Variants in CSMD1 observed in about 807,000 individuals in gnomAD.
The protein encoded by CSMD1 is CUB and Sushi multiple domains 1.
A neutral mutation model predicts 417.5 loss-of-function variants in CSMD1; 213 were observed. The ratio of observed to expected loss-of-function variants is 0.51; its 90% CI spans 0.46 to 0.57. The LOEUF is 0.57. CSMD1 is among the 20% of genes least tolerant of loss of function. The pLI is 0.00. For synonymous variants in CSMD1, 2,862 were observed against 1,736.8 expected, an observed-to-expected ratio of 1.65 and a Z score of -16.11; for missense variants, 6,923 against 4,529.7, an observed-to-expected ratio of 1.53 and a Z score of -15.17.
intron 23 of CSMD1, among the ~76,000 whole-genome samples, chr8:3,331,190 A>G (rs1563279886): frequency 6.7e-6 from 1 of 149,384 alleles, no homozygotes; most frequent in Non-Finnish European, 1.5e-5. Flanking sequence ...GTGAGCCGAG[A>G]TCGTGCCACT....
intron 5 of CSMD1, among the ~76,000 whole-genome samples, chr8:3,778,776 A>C (rs1321346356): frequency 1.3e-5 from 2 of 152,192 alleles, no homozygotes; most frequent in African/African-American, 2.4e-5. Context: ...ATTGGGTATC[A>C]TGGAGCCTTG....
At chr8:4,514,253 T>C (rs953007793) in intron 2 of CSMD1, among the ~76,000 whole-genome samples, 15 of 152,114 alleles carry the variant, frequency 9.9e-5, no homozygotes, top group African/African-American at 3.6e-4. Context: ...CTTCTTTTTA[T>C]ACGGATATAA....
chr8:4,478,086 T>A lies in CSMD1; in HGVS notation c.303-58021A>T, dbSNP rs575508771. Among the ~76,000 whole-genome samples, 5 of 152,314 alleles carry A rather than the reference T, an allele frequency of 3.3e-5. No homozygotes were observed. The East Asian group carries it at 9.7e-4, about 29-fold the overall frequency. ...TAAAACTGATTTTAACCTGTTTTTT[T>A]ATGGGGCCATAAGACCTACCCCTGG... On this transcript the variant is annotated intron_variant, in intron 2 of 69. Transcript: ENST00000635120.
intron 26 of CSMD1, among the ~76,000 whole-genome samples, chr8:3,254,839 G>C (rs968817415): frequency 2.0e-5 from 3 of 151,908 alleles, no homozygotes; most frequent in Admixed American, 6.6e-5. Context: ...GCTCGGGGTC[G>C]TTTGCTAGTC....
Position 2,987,777 on chromosome 8 carries a change from G to A in CSMD1, c.8378-8977C>T, listed in dbSNP as rs192544428. On this transcript the variant is annotated intron_variant, in intron 54 of 69. Transcript: ENST00000635120. ...GCGGCGCGCATAAGGGCAGCTTCGG[G>A]GAGACTGGAGTCTCAGGGTCCCTGG... Among the ~76,000 whole-genome samples, 230 of 152,292 alleles carry A rather than the reference G, an allele frequency of 1.5e-3. 1 individual carries two copies. The highest frequency in any genetic ancestry group is 5.4e-3 in the African/African-American group (226 of 41,562).
At chr8:4,717,482 C>T (rs1563208606) in intron 1 of CSMD1, among the ~76,000 whole-genome samples, 1 of 151,328 alleles carries the variant, frequency 6.6e-6, no homozygotes, top group African/African-American at 2.4e-5. Context: ...ACACACACCC[C>T]TTTCTATATA....
chr8:4,012,111 T>C (rs1816587786), intron 4 of CSMD1, among the ~76,000 whole-genome samples: 1 of 152,182 alleles, frequency 6.6e-6, no homozygotes, highest in Admixed American at 6.5e-5. Flanking sequence ...TGAAACATTT[T>C]CTAGATTTAA....
rs967135955 is a variant in CSMD1, at chr8:4,496,758, G to C, written c.303-76693C>G. ...AGCTACTTGCCTGGAACAAAGCTGG[G>C]AGTAATTTTGAAAGCATTTCCTTAG... On this transcript the variant is annotated intron_variant, in intron 2 of 69. Transcript: ENST00000635120. Among the ~76,000 whole-genome samples, 22 of 152,262 alleles carry C rather than the reference G, an allele frequency of 1.4e-4. 1 individual carries two copies. Among genetic ancestry groups the C allele is most frequent in the Middle Eastern group, 6.8e-3 (2 of 294 alleles).
chr8:4,963,061 A>G (rs1250062761), intron 1 of CSMD1, among the ~76,000 whole-genome samples: 1 of 152,152 alleles, frequency 6.6e-6, no homozygotes, highest in African/African-American at 2.4e-5. Flanking sequence ...AACTGCACCC[A>G]GGAGCTCAGG....
chr8:4,809,659 G>T (rs1199989217), intron 1 of CSMD1, among the ~76,000 whole-genome samples: 1 of 152,038 alleles, frequency 6.6e-6, no homozygotes, highest in Non-Finnish European at 1.5e-5. Context: ...ACTTTTCTAG[G>T]GGCCATATTT....
chr8:3,529,628 A>C (rs548400378), intron 10 of CSMD1, among the ~76,000 whole-genome samples: 2 of 152,362 alleles, frequency 1.3e-5, no homozygotes, highest in African/African-American at 4.8e-5. Context: ...TGATTTGTCA[A>C]AAGTATAGTG....
At chr8:3,321,852 T>A (rs886212864) in intron 23 of CSMD1, among the ~76,000 whole-genome samples, 1 of 152,176 alleles carries the variant, frequency 6.6e-6, no homozygotes, top group South Asian at 2.1e-4. Context: ...ACTTTCTGAT[T>A]TGTACAAAAT....
chr8:2,954,140 A>C, intron 65 of CSMD1, 84 bp downstream of exon 65: 1 of 662,922 alleles, frequency 1.5e-6, no homozygotes, highest in Non-Finnish European at 2.4e-6. Context: ...CAGAAATTTA[A>C]ATGTTGAAAA....
chr8:4,400,760 AGTT>A (rs1804589758), intron 3 of CSMD1, among the ~76,000 whole-genome samples: 5 of 110,958 alleles, frequency 4.5e-5, no homozygotes, highest in Admixed American at 4.1e-4. Context: ...CATACAGATC[AGTT>A]TTTTTTTTTT....
intron 23 of CSMD1, among the ~76,000 whole-genome samples, chr8:3,313,364 T>C (rs1805501844): frequency 3.3e-5 from 5 of 152,146 alleles, no homozygotes; most frequent in Admixed American, 3.3e-4. Context: ...TTTTGCAATC[T>C]ACTCATCTGA....
At chr8:3,107,864 C>G in intron 44 of CSMD1, 66 bp from the exon 45 acceptor site, 1 of 992,436 alleles carries the variant, frequency 1.0e-6, no homozygotes, top group Non-Finnish European at 1.5e-6. Flanking sequence ...ACAACTATTA[C>G]AAAACATTCA....
chr8:3,006,043 C>A (rs1234650601), intron 52 of CSMD1, among the ~76,000 whole-genome samples: 1 of 152,018 alleles, frequency 6.6e-6, no homozygotes, highest in Non-Finnish European at 1.5e-5. Context: ...AGCCCAAAAT[C>A]TCCTTAAGCT....
At chr8:4,296,197 A>C (rs1432784106) in intron 3 of CSMD1, among the ~76,000 whole-genome samples, 1 of 152,000 alleles carries the variant, frequency 6.6e-6, no homozygotes, top group Non-Finnish European at 1.5e-5. Flanking sequence ...TTAGTCCTCA[A>C]CTCATCTCCA....
rs148506221 is a variant in CSMD1 at position 3,647,518 on chromosome 8, T to C, written c.1010-30721A>G. Among the ~76,000 whole-genome samples, 562 of 152,096 alleles carry C rather than the reference T, an allele frequency of 3.7e-3. 2 individuals carry two copies. The highest frequency in any genetic ancestry group is 0.014 in the Middle Eastern group (4 of 294). On this transcript the variant is annotated intron_variant, in intron 7 of 69. Coordinates refer to ENST00000635120, the MANE Select transcript of CSMD1 (RefSeq NM_033225.6). Reference sequence around the variant, plus strand: ...CAGAGAGAAGTATATCAGAGAAATATAGCATAAAGAGAAATATAGTATAGA... The same window carrying C: ...CAGAGAGAAGTATATCAGAGAAATACAGCATAAAGAGAAATATAGTATAGA...
Sources: gnomAD v4.1 joint callset for allele counts (sites outside exome capture counted in the v4.1 genomes callset) on GRCh38, gnomAD v4.1.1 for gene constraint, MANE v1.5 for transcripts, NCBI Gene and HGNC (gene_info 2026-07-23, HGNC 2026-07-21) for gene names.